PTGIS: variants seen among roughly 807,000 people sequenced by gnomAD.
The protein encoded by PTGIS is prostacyclin synthase.
Under a neutral mutation model 50.3 loss-of-function variants are expected in PTGIS, and 45 were observed. The observed-to-expected ratio is 0.90, with a 90% CI of 0.70 to 1.15. The LOEUF is 1.15. Among genes scored for constraint, PTGIS ranks in the 50% most tolerant of loss-of-function variants. The pLI is 0.00. For synonymous variants in PTGIS, 260 were observed against 267.7 expected (o/e 0.97, Z 0.28); for missense variants, 668 against 661.3 (o/e 1.01, Z -0.11).
chr20:49,549,013 A>G (rs532689725), intron 2 of PTGIS, among the ~76,000 whole-genome samples: 1 of 151,636 alleles, frequency 6.6e-6, no homozygotes. Flanking sequence ...GGTCGTTTGA[A>G]TAGATGTTGT....
intron 7 of PTGIS, among the ~76,000 whole-genome samples, 173 bp downstream of exon 7, chr20:49,514,054 C>G (rs1248010794): frequency 6.6e-6 from 1 of 152,218 alleles, no homozygotes; most frequent in Non-Finnish European, 1.5e-5. Flanking sequence ...TGACCCCTAG[C>G]TGAGGCTGGA....
chr20:49,522,046 G>T (rs540482241), intron 6 of PTGIS, among the ~76,000 whole-genome samples: 3 of 151,744 alleles, frequency 2.0e-5, no homozygotes, highest in Non-Finnish European at 4.4e-5. Flanking sequence ...AACTCTCCCA[G>T]GCCCCCATCT....
In PTGIS at chr20:49,547,255, T is replaced by C. The variant is rs112771540; in HGVS notation, c.377+586A>G. ...TCAAAAATAAATAAATAAAATAAAA[T>C]GATTCCTCCATATGTTTCAGGAGCT... On this transcript the variant is annotated intron_variant, in intron 3 of 9. Transcript: ENST00000244043. Among the ~76,000 whole-genome samples the C allele has an allele frequency of 3.6e-3, 541 of 152,152 alleles. 4 individuals are homozygous for C. The highest frequency in any genetic ancestry group is 0.012 in the African/African-American group (515 of 41,518).
chr20:49,513,756 A>G (rs1423001459), intron 7 of PTGIS, among the ~76,000 whole-genome samples: 1 of 152,120 alleles, frequency 6.6e-6, no homozygotes, highest in Non-Finnish European at 1.5e-5. Context: ...AAAGAAAGCC[A>G]ATGAGACACA....
rs1409467356 is a variant in PTGIS, at chr20:49,544,441, G to A, written c.385C>T (p.Leu129Phe). The change falls in exon 4 of 10, where the codon CTC (leucine) becomes TTC (phenylalanine). Residue 129 changes from leucine to phenylalanine, a missense_variant. Transcript: ENST00000244043. ...GTGAGTGCCTGGAGCTCTCTGTGGA[G>A]AAGAGTCCTGAGGCAGGAAACAAAA... Reference protein sequence around the residue: ...DEKARMKLTLLHRELQALTEA... With the variant: ...DEKARMKLTLFHRELQALTEA... The A allele has an allele frequency of 1.9e-6, 3 of 1,614,036 alleles. No homozygotes were observed. The highest frequency in any genetic ancestry group is 2.5e-6 in the Non-Finnish European group (3 of 1,180,016).
At chr20:49,520,771 A>G (rs577823206) in intron 6 of PTGIS, among the ~76,000 whole-genome samples, 2 of 152,254 alleles carry the variant, frequency 1.3e-5, no homozygotes, top group East Asian at 3.9e-4. Context: ...GGCTCAAGCA[A>G]TGCTCTTGCC....
At chr20:49,517,716 A>C (rs1354996316) in intron 6 of PTGIS, among the ~76,000 whole-genome samples, 1 of 152,168 alleles carries the variant, frequency 6.6e-6, no homozygotes, top group Non-Finnish European at 1.5e-5. Context: ...GGTGATTCAC[A>C]TGCTCCTTCT....
intron 5 of PTGIS, among the ~76,000 whole-genome samples, chr20:49,535,358 G>A (rs764812015): frequency 6.6e-6 from 1 of 152,160 alleles, no homozygotes; most frequent in African/African-American, 2.4e-5. Context: ...GAAGTGGGCA[G>A]AGAGAAATGA....
intron 1 of PTGIS, among the ~76,000 whole-genome samples, chr20:49,557,868 G>C (rs1379006697): frequency 6.6e-6 from 1 of 152,084 alleles, no homozygotes; most frequent in Non-Finnish European, 1.5e-5. Context: ...GTGACATGGG[G>C]ATTACCATAC....
chr20:49,513,794 T>A (rs1216889717), intron 7 of PTGIS, among the ~76,000 whole-genome samples: 1 of 152,034 alleles, frequency 6.6e-6, no homozygotes, highest in African/African-American at 2.4e-5. Context: ...GGGAACACTG[T>A]AAGAGATTCA....
At position 49,568,125 on chromosome 20, in the gene PTGIS, T is replaced by TGGCGGGGCTGGCGGGGCTGGCGGGGCC. The variant is rs1982956319; in HGVS notation, c.-10_-9insGGCCCCGCCAGCCCCGCCAGCCCCGCC. 1.8e-6 allele frequency: 2 copies of TGGCGGGGCTGGCGGGGCTGGCGGGGCC among 1,092,582 alleles called. No individual in the cohort carries two copies. Among genetic ancestry groups the TGGCGGGGCTGGCGGGGCTGGCGGGGCC allele is most frequent in the African/African-American group, 3.5e-5 (2 of 57,304 alleles). 67.7% of individuals were successfully genotyped at this position (1,092,582 alleles called of 1,614,324 possible). Reference sequence around the variant, plus strand: ...AGCGCGGCCCAAGCCATCGCGGGGCTGGCGGGGCTGGCGGGGCTGGCGGGG... The same window carrying TGGCGGGGCTGGCGGGGCTGGCGGGGCC: ...AGCGCGGCCCAAGCCATCGCGGGGCTGGCGGGGCTGGCGGGGCTGGCGGGGCCGGCGGGGCTGGCGGGGCTGGCGGGG... On this transcript the variant is annotated 5_prime_UTR_variant, in exon 1 of 10. Transcript: ENST00000244043.
At position 49,505,907 on chromosome 20, in the gene PTGIS, G is replaced by C. The variant is rs1460304933; in HGVS notation, c.*2013C>G. On this transcript the variant is annotated 3_prime_UTR_variant, in exon 10 of 10. Transcript: ENST00000244043. ...CCAAACCCCAGTGCTGCTCTGAGAAGAGACTAGCCTCTGGGACATTCAGAG... is the reference window on the plus strand; with the variant it reads ...CCAAACCCCAGTGCTGCTCTGAGAACAGACTAGCCTCTGGGACATTCAGAG... 6.6e-6 allele frequency: 1 copy of C among 152,652 alleles called. No homozygotes were observed. The highest frequency in any genetic ancestry group is 1.5e-5 in the Non-Finnish European group (1 of 68,046). 9.5% of individuals were successfully genotyped at this position (152,652 alleles called of 1,614,324 possible).
chr20:49,517,841 C>A, intron 6 of PTGIS, among the ~76,000 whole-genome samples: 1 of 152,240 alleles, frequency 6.6e-6, no homozygotes, highest in Non-Finnish European at 1.5e-5. Context: ...CTTCAAAGAA[C>A]CACCTCCTCT....
chr20:49,556,602 G>A (rs2122898350), intron 1 of PTGIS, among the ~76,000 whole-genome samples: 1 of 152,288 alleles, frequency 6.6e-6, no homozygotes, highest in South Asian at 2.1e-4. Context: ...CAGTCTTGCT[G>A]CATTTTATGA....
At chr20:49,568,007 T>A in intron 1 of PTGIS, 36 bp downstream of exon 1, 1 of 1,463,496 alleles carries the variant, frequency 6.8e-7, no homozygotes, top group Non-Finnish European at 9.0e-7. Flanking sequence ...AGCCGCCCCC[T>A]TTGTCTGGCG....
intron 7 of PTGIS, among the ~76,000 whole-genome samples, chr20:49,513,549 C>A (rs1484944602): frequency 6.6e-6 from 1 of 152,156 alleles, no homozygotes; most frequent in Admixed American, 6.5e-5. Context: ...GTAGGGCCAT[C>A]AATCTCTGTT....
At chr20:49,545,662 T>G (rs1016333623) in intron 3 of PTGIS, among the ~76,000 whole-genome samples, 1 of 152,180 alleles carries the variant, frequency 6.6e-6, no homozygotes, top group Non-Finnish European at 1.5e-5. Flanking sequence ...ATCTTGCATC[T>G]AAGTCTAAGG....
At chr20:49,550,331 CT>C in intron 1 of PTGIS, 142 bp from the exon 2 acceptor site, 1 of 1,103,726 alleles carries the variant, frequency 9.1e-7, no homozygotes, top group Non-Finnish European at 1.3e-6. Flanking sequence ...TCACCTGCTC[CT>C]TTTCTCTTGT....
intron 4 of PTGIS, among the ~76,000 whole-genome samples, chr20:49,541,985 C>T (rs1339607008): frequency 1.3e-5 from 2 of 152,172 alleles, no homozygotes; most frequent in East Asian, 3.9e-4. Context: ...CAAGAAAGAC[C>T]TCTCTGAGCA....
Sources: gnomAD v4.1 joint callset for allele counts (sites outside exome capture counted in the v4.1 genomes callset) on GRCh38, gnomAD v4.1.1 for gene constraint, MANE v1.5 for transcripts, NCBI Gene and HGNC (gene_info 2026-07-23, HGNC 2026-07-21) for gene names.